Variants in ACAD8 observed in about 807,000 individuals in gnomAD.
The protein encoded by ACAD8 is acyl-CoA dehydrogenase family member 8.
Under a neutral mutation model 53.1 loss-of-function variants are expected in ACAD8, and 47 were observed. The ratio of observed to expected loss-of-function variants is 0.89; its 90% CI spans 0.70 to 1.13. The LOEUF (loss-of-function observed/expected upper bound fraction) is 1.13. Among genes scored for constraint, ACAD8 ranks in the 50% most tolerant of loss-of-function variants. The pLI, the probability that ACAD8 is intolerant of heterozygous loss-of-function variation, is 0.00. For missense variants in ACAD8, 494 were observed against 535.0 expected (o/e 0.92, Z 0.76); for synonymous variants, 198 against 201.3 (o/e 0.98, Z 0.14).
At chr11:134,259,167 G>C (rs1445987665) in intron 5 of ACAD8, 83 bp downstream of exon 5, 1 of 1,238,854 alleles carries the variant, frequency 8.1e-7, no homozygotes, top group Admixed American at 1.7e-5. Context: ...CACATCCGCG[G>C]GTTAATACTC....
intron 1 of ACAD8, 82 bp from the exon 2 acceptor site, chr11:134,256,466 A>G (rs559270596): frequency 1.8e-6 from 2 of 1,111,086 alleles, no homozygotes; most frequent in African/African-American, 1.5e-5. Context: ...CACTTTCACA[A>G]CTTCGTGGTG....
intron 1 of ACAD8, among the ~76,000 whole-genome samples, 177 bp downstream of exon 1, chr11:134,253,886 C>T (rs1399714773): frequency 6.6e-6 from 1 of 150,922 alleles, no homozygotes; most frequent in Non-Finnish European, 1.5e-5. Flanking sequence ...CCTGGCTGCC[C>T]CCTCCGGTCG....
At chr11:134,253,808 G>A (rs963939272) in intron 1 of ACAD8, 99 bp downstream of exon 1, 1 of 1,261,812 alleles carries the variant, frequency 7.9e-7, no homozygotes, top group Admixed American at 2.0e-5. Flanking sequence ...CAGTCACCCC[G>A]GCGTCAGCTC....
Position 134,261,141 on chromosome 11 carries a change from T to C in ACAD8, c.803T>C (p.Ile268Thr). ...GGGAGCGAGGGGCAGGGCTTCCTCA[T>C]TGCCGTGAGAGGACTGAACGGAGGG... ...RIGSEGQGFLIAVRGLNGGRI... is the reference protein window; with the variant it reads ...RIGSEGQGFLTAVRGLNGGRI... The change falls in exon 7 of 11, where the codon ATT (isoleucine) becomes ACT (threonine). Residue 268 changes from isoleucine to threonine, a missense_variant. By Grantham distance (89) the Ile-to-Thr change is moderately conservative. Coordinates refer to ENST00000281182, the MANE Select transcript of ACAD8 (RefSeq NM_014384.3). The surrounding 1 kb of genome is among the most constrained non-coding windows in gnomAD (Gnocchi z 4.2). The C allele has an allele frequency of 6.2e-7, 1 of 1,612,550 alleles. No homozygotes were observed. The highest frequency in any genetic ancestry group is 2.2e-5 in the East Asian group (1 of 44,858).
At chr11:134,258,741 T>C in intron 4 of ACAD8, 117 bp downstream of exon 4, 1 of 843,506 alleles carries the variant, frequency 1.2e-6, no homozygotes. Context: ...ATCTAGCTGT[T>C]TGGTTGAGGA....
rs999148678 is a variant in ACAD8, at chr11:134,261,543, G to A, written c.939+171G>A. The stretch of plus-strand genomic sequence containing the variant: ...CATCTTTTCTTGGGATATCTTTAAC[G>A]ATATTAAAGTGTCGGGTGAGTGAAG... On this transcript the variant is annotated intron_variant, in intron 8 of 10. Transcript: ENST00000281182. The surrounding 1 kb of genome is among the most constrained non-coding windows in gnomAD (Gnocchi z 4.2). 3 of 1,503,014 alleles carry A rather than the reference G, an allele frequency of 2.0e-6. No homozygotes were observed. The highest frequency in any genetic ancestry group is 2.7e-6 in the Non-Finnish European group (3 of 1,108,488). 93.1% of individuals were successfully genotyped at this position (1,503,014 alleles called of 1,614,324 possible).
rs1052302664 is a variant in ACAD8, at chr11:134,263,120, G to A, written c.1195+498G>A. 6 of 1,102,056 alleles carry A rather than the reference G, an allele frequency of 5.4e-6. No individual in the cohort carries two copies. The African/African-American group carries it at 1.0e-4, about 18-fold the overall frequency. The allele number at this position is 1,102,056 out of a possible 1,614,324, so 68.3% of individuals were successfully genotyped here. A position where few individuals can be genotyped will look rare whatever the true frequency, so the allele number is the denominator to read the frequency against. On this transcript the variant is annotated intron_variant, in intron 10 of 10. Transcript: ENST00000281182. ...TCACTATATGGGTATCTTCTTGGTAGTCACAGACATTCTATCGAGGAAACA... is the reference window on the plus strand; with the variant it reads ...TCACTATATGGGTATCTTCTTGGTAATCACAGACATTCTATCGAGGAAACA...
At position 134,264,968 on chromosome 11, in the gene ACAD8, A is replaced by T; in HGVS notation, c.*8A>T. On this transcript the variant is annotated 3_prime_UTR_variant, in exon 11 of 11. Coordinates refer to ENST00000281182, the MANE Select transcript of ACAD8 (RefSeq NM_014384.3). ...AGCCTGCTTCAGGAGTAGAACCCAC[A>T]CTTGTTCTGGCCTGGTGTTCAGTGC... 6.2e-7 allele frequency: 1 copy of T among 1,613,872 alleles called. No individual in the cohort carries two copies. Among genetic ancestry groups the T allele is most frequent in the Non-Finnish European group, 8.5e-7 (1 of 1,179,818 alleles).
At position 134,265,803 on chromosome 11, in the gene ACAD8, A is replaced by ATTTG. The variant is rs1232169292; in HGVS notation, c.*843_*844insTTTG. ...AATGTTTAATTGTATTTGATTAAAC[A>ATTTG]CTTAACTGGATTTTGGAATAATAAA... On this transcript the variant is annotated 3_prime_UTR_variant, in exon 11 of 11. Transcript: ENST00000281182. 2 of 152,214 alleles carry ATTTG rather than the reference A, an allele frequency of 1.3e-5. No homozygotes were observed. The highest frequency in any genetic ancestry group is 2.9e-5 in the Non-Finnish European group (2 of 68,042). The allele number at this position is 152,214 out of a possible 1,614,324, so 9.4% of individuals were successfully genotyped here. A position where few individuals can be genotyped will look rare whatever the true frequency, so the allele number is the denominator to read the frequency against.
At position 134,261,624 on chromosome 11, in the gene ACAD8, G is replaced by A. The variant is rs1223283323; in HGVS notation, c.940-114G>A. 1 of 1,572,394 alleles carries A rather than the reference G, an allele frequency of 6.4e-7. No individual in the cohort carries two copies. The highest frequency in any genetic ancestry group is 1.2e-5 in the South Asian group (1 of 86,550). On this transcript the variant is annotated intron_variant, in intron 8 of 10. Coordinates refer to ENST00000281182, the MANE Select transcript of ACAD8 (RefSeq NM_014384.3). This position sits in a 1 kb window ranked among gnomAD's most constrained non-coding sequence, Gnocchi z 4.2. The stretch of plus-strand genomic sequence containing the variant: ...CTCTATAGAAAAAGCAAGAGACTTT[G>A]AAGCTTTGGATCACTTAGAAAAGGC...
intron 10 of ACAD8, chr11:134,263,906 T>C (rs1220838456): frequency 5.1e-6 from 5 of 985,356 alleles, no homozygotes; most frequent in Non-Finnish European, 6.0e-6. Flanking sequence ...CGAGGGGGTT[T>C]ATATTTCTTT....
At chr11:134,260,094 C>T in intron 6 of ACAD8, 1 of 1,194,768 alleles carries the variant, frequency 8.4e-7, no homozygotes, top group African/African-American at 1.6e-5. Context: ...GTGTTGGCCA[C>T]AAGTCTCAGT....
Position 134,265,015 on chromosome 11 carries a change from G to A in ACAD8, c.*55G>A, listed in dbSNP as rs560498727. Reference sequence around the variant, plus strand: ...GTGCGACTGCAGTCAGTGTTGAGTGGTGCCATGTGGGCCGCTCTATTCCAA... The same window carrying A: ...GTGCGACTGCAGTCAGTGTTGAGTGATGCCATGTGGGCCGCTCTATTCCAA... On this transcript the variant is annotated 3_prime_UTR_variant, in exon 11 of 11. Coordinates refer to ENST00000281182, the MANE Select transcript of ACAD8 (RefSeq NM_014384.3). 3 of 1,575,096 alleles carry A rather than the reference G, an allele frequency of 1.9e-6. No homozygotes were observed. The highest frequency in any genetic ancestry group is 2.6e-6 in the Non-Finnish European group (3 of 1,144,936).
chr11:134,263,942 T>G (rs1940047057), intron 10 of ACAD8: 1 of 985,308 alleles, frequency 1.0e-6, no homozygotes, highest in South Asian at 4.7e-5. Flanking sequence ...CTGCTAAAAA[T>G]GAAGCAAATA....
chr11:134,263,879 T>C, intron 10 of ACAD8: 4 of 985,476 alleles, frequency 4.1e-6, no homozygotes, highest in Non-Finnish European at 3.6e-6. Context: ...TTTGAGACGA[T>C]GTGACTACTG....
rs1427754912 is a variant in ACAD8, at chr11:134,261,557, G to A, written c.940-181G>A. Reference sequence around the variant, plus strand: ...ATATCTTTAACGATATTAAAGTGTCGGGTGAGTGAAGTGGACTTAGCACTT... The same window carrying A: ...ATATCTTTAACGATATTAAAGTGTCAGGTGAGTGAAGTGGACTTAGCACTT... On this transcript the variant is annotated intron_variant, in intron 8 of 10. Transcript: ENST00000281182. This position sits in a 1 kb window ranked among gnomAD's most constrained non-coding sequence, Gnocchi z 4.2. 9.2e-6 allele frequency: 14 copies of A among 1,525,820 alleles called. No individual in the cohort carries two copies. Among genetic ancestry groups the A allele is most frequent in the East Asian group, 4.9e-5 (2 of 41,028 alleles). The allele number at this position is 1,525,820 out of a possible 1,614,324, so 94.5% of individuals were successfully genotyped here.
At chr11:134,260,303 G>T in intron 6 of ACAD8, 1 of 613,046 alleles carries the variant, frequency 1.6e-6, no homozygotes, top group East Asian at 1.0e-4. Flanking sequence ...ACCGTAATTG[G>T]TAATAAGGGC....
chr11:134,262,098 T>G (rs1263010521), intron 9 of ACAD8: 1 of 693,932 alleles, frequency 1.4e-6, no homozygotes, highest in Non-Finnish European at 2.6e-6. Flanking sequence ...CATTATACAC[T>G]TCATTATGTC....
In ACAD8 at chr11:134,265,186, A is replaced by T. The variant is rs1273577121; in HGVS notation, c.*226A>T. 8.5e-6 allele frequency: 5 copies of T among 589,042 alleles called. No homozygotes were observed. The East Asian group carries it at 1.4e-4, about 16-fold the overall frequency. The allele number at this position is 589,042 out of a possible 1,614,324, so 36.5% of individuals were successfully genotyped here. A position where few individuals can be genotyped will look rare whatever the true frequency, so the allele number is the denominator to read the frequency against. ...GACTGATGAGAAACATCAGAAGAAC[A>T]CATACTACCTTGTTTTCCTAATGCC... On this transcript the variant is annotated 3_prime_UTR_variant, in exon 11 of 11. Coordinates refer to ENST00000281182, the MANE Select transcript of ACAD8 (RefSeq NM_014384.3).
Sources: gnomAD v4.1 joint callset for allele counts (sites outside exome capture counted in the v4.1 genomes callset) on GRCh38, gnomAD v4.1.1 for gene constraint, Gnocchi (gnomAD v3.1) non-coding constraint, MANE v1.5 for transcripts, NCBI Gene and HGNC (gene_info 2026-07-23, HGNC 2026-07-21) for gene names.